Variants in HPSE2 observed in about 807,000 individuals in gnomAD.
HPSE2 encodes the protein heparanase 2 (inactive), also known as inactive heparanase-2.
In HPSE2, 38 loss-of-function variants were observed where a neutral mutation model predicts 60.5. That is an observed-to-expected ratio of 0.63 (90% CI 0.48 to 0.82). HPSE2 has a LOEUF of 0.82. Ranked by LOEUF, HPSE2 falls within the 40% of genes least tolerant of loss-of-function variation. The pLI is 0.00. For synonymous variants in HPSE2, 295 were observed against 293.2 expected, an observed-to-expected ratio of 1.01 and a Z score of -0.06; for missense variants, 713 against 740.4, an observed-to-expected ratio of 0.96 and a Z score of 0.43.
chr10:99,244,380 C>CTTT, the HPSE2 span, among the ~76,000 whole-genome samples: 73 of 101,760 alleles, frequency 7.2e-4, no homozygotes, highest in African/African-American at 2.0e-3. Flanking sequence ...ATTTTTATTT[C>CTTT]TTTTATTATT....
At chr10:99,079,390 C>T (rs1843056015) in intron 3 of HPSE2, among the ~76,000 whole-genome samples, 1 of 152,144 alleles carries the variant, frequency 6.6e-6, no homozygotes. Flanking sequence ...CTAGAGTATG[C>T]CAGGTCCCAT....
intron 6 of HPSE2, among the ~76,000 whole-genome samples, chr10:98,671,483 G>A (rs894819235): frequency 1.6e-4 from 24 of 151,714 alleles, no homozygotes; most frequent in African/African-American, 5.8e-4. Context: ...TAATCTAACA[G>A]ACCTTGTCTA....
At chr10:98,870,485 C>T (rs1952703614) in intron 3 of HPSE2, among the ~76,000 whole-genome samples, 3 of 152,100 alleles carry the variant, frequency 2.0e-5, no homozygotes, top group South Asian at 4.1e-4. Context: ...GAACAAAAGG[C>T]CACTGGGACT....
intron 9 of HPSE2, among the ~76,000 whole-genome samples, chr10:98,505,558 CAG>C (rs1942173709): frequency 6.6e-6 from 1 of 152,204 alleles, no homozygotes; most frequent in African/African-American, 2.4e-5. Flanking sequence ...TCATCACTTT[CAG>C]ACTTCTTAAT....
At chr10:99,294,319 T>C in the HPSE2 span, among the ~76,000 whole-genome samples, 15 of 148,110 alleles carry the variant, frequency 1.0e-4, no homozygotes, top group African/African-American at 2.9e-4. Context: ...AGCTGTGCTA[T>C]ATGTTTATGT....
chr10:99,231,161 A>G (rs1328035872), intron 2 of HPSE2, among the ~76,000 whole-genome samples: 2 of 152,194 alleles, frequency 1.3e-5, no homozygotes, highest in African/African-American at 2.4e-5. Flanking sequence ...TTAAAAAAAA[A>G]TGTTCCTCTG....
At chr10:98,627,704 A>G (rs11189718) in intron 7 of HPSE2, among the ~76,000 whole-genome samples, 2,410 of 152,334 alleles carry the variant, frequency 0.016, 25 homozygotes, top group Non-Finnish European at 0.024. Context: ...TAATATTTAT[A>G]AAGCAGTTGA....
intron 7 of HPSE2, 73 bp from the exon 8 acceptor site, chr10:98,620,781 T>G: frequency 1.0e-6 from 1 of 967,476 alleles, no homozygotes; most frequent in Non-Finnish European, 1.6e-6. Context: ...GAAACACACA[T>G]TCCCTTAAGG....
rs373684212 is a variant in HPSE2, at chr10:98,614,989, T to C, written c.1235A>G (p.Asn412Ser). The C allele has an allele frequency of 9.9e-6, 16 of 1,613,990 alleles. No homozygotes were observed. The highest frequency in any genetic ancestry group is 1.6e-4 in the Middle Eastern group (1 of 6,062). Residue 412 changes from asparagine (N) to serine (S), a missense_variant, in exon 9 of 12, where the codon AAT becomes AGT. By Grantham distance (46) the Asn-to-Ser change is conservative (BLOSUM62 1). Coordinates refer to ENST00000370552, the MANE Select transcript of HPSE2 (RefSeq NM_021828.5). ...CCGTATCACGACATCAATGCCCTGA[T>C]TGGCCAGCATTCCTAAAGTGTTCAA... ...LWLNTLGMLA[N>S]QGIDVVIRHS...
intron 3 of HPSE2, among the ~76,000 whole-genome samples, chr10:98,917,166 C>T (rs1954142606): frequency 6.6e-6 from 1 of 152,058 alleles, no homozygotes; most frequent in African/African-American, 2.4e-5. Flanking sequence ...ATGCAGACCA[C>T]CCTGACACCC....
intron 3 of HPSE2, among the ~76,000 whole-genome samples, chr10:98,819,078 CG>C: frequency 6.6e-6 from 1 of 152,304 alleles, no homozygotes; most frequent in East Asian, 1.9e-4. Context: ...AGCCTGGACA[CG>C]GAGTAGGGGG....
chr10:98,745,507 C>T (rs1289606046), intron 3 of HPSE2, among the ~76,000 whole-genome samples: 2 of 152,196 alleles, frequency 1.3e-5, no homozygotes, highest in Non-Finnish European at 2.9e-5. Context: ...GCTTCTACAA[C>T]TCACCCATAA....
chr10:98,748,946 C>T (rs1949691033), intron 3 of HPSE2, among the ~76,000 whole-genome samples: 1 of 151,624 alleles, frequency 6.6e-6, no homozygotes, highest in South Asian at 2.1e-4. Flanking sequence ...GTGATGAGAC[C>T]TTAAAGAATG....
chr10:98,581,622 G>A (rs1382514300), intron 9 of HPSE2, among the ~76,000 whole-genome samples: 1 of 152,164 alleles, frequency 6.6e-6, no homozygotes, highest in African/African-American at 2.4e-5. Context: ...GGCATCCCAC[G>A]TGTAGGGTAG....
chr10:98,874,902 T>C (rs541426186), intron 3 of HPSE2, among the ~76,000 whole-genome samples: 12 of 152,238 alleles, frequency 7.9e-5, no homozygotes, highest in Admixed American at 7.2e-4. Flanking sequence ...GTTTATGTGA[T>C]AGATTACATT....
intron 9 of HPSE2, among the ~76,000 whole-genome samples, chr10:98,555,795 C>T (rs10509724): frequency 0.095 from 14,393 of 152,056 alleles, 893 homozygotes; most frequent in African/African-American, 0.16. Flanking sequence ...TTTGACAACA[C>T]GAAAATAACG....
At chr10:98,523,885 CTTAG>C (rs1362950014) in intron 9 of HPSE2, among the ~76,000 whole-genome samples, 1 of 152,196 alleles carries the variant, frequency 6.6e-6, no homozygotes, top group African/African-American at 2.4e-5. Context: ...TCTCTACCTC[CTTAG>C]CCAAAGATAT....
chr10:98,706,317 A>T (rs1400455186), intron 5 of HPSE2, among the ~76,000 whole-genome samples: 1 of 152,196 alleles, frequency 6.6e-6, no homozygotes, highest in Non-Finnish European at 1.5e-5. Context: ...AGAAAAAGGA[A>T]AAAGCTGGAG....
At chr10:98,941,167 T>A (rs929702162) in intron 3 of HPSE2, among the ~76,000 whole-genome samples, 1 of 139,118 alleles carries the variant, frequency 7.2e-6, no homozygotes, top group Non-Finnish European at 1.5e-5. Flanking sequence ...CTTAGAAAAC[T>A]GGCACAAGAC....
Sources: gnomAD v4.1 joint callset for allele counts (sites outside exome capture counted in the v4.1 genomes callset) on GRCh38, gnomAD v4.1.1 for gene constraint, MANE v1.5 for transcripts, NCBI Gene and HGNC (gene_info 2026-07-23, HGNC 2026-07-21) for gene names.